ADGRG4: variants seen among roughly 807,000 people sequenced by gnomAD.
ADGRG4 encodes G protein-coupled receptor 112.
A neutral mutation model predicts 126.2 loss-of-function variants in ADGRG4; 122 were observed. The observed-to-expected ratio is 0.97, with a 90% CI of 0.83 to 1.12. The LOEUF is 1.12. Among genes scored for constraint, ADGRG4 ranks in the 50% most tolerant of loss-of-function variants. The probability of loss-of-function intolerance (pLI) is 0.00; values close to 1 mark genes in which losing one functional copy is unlikely to be tolerated. For missense variants in ADGRG4, 2,481 were observed against 2,251.8 expected (o/e 1.10, Z -2.06); for synonymous variants, 943 against 838.7 (o/e 1.12, Z -2.15).
intron 15 of ADGRG4, among the ~76,000 whole-genome samples, chrX:136,383,455 C>A (rs1039929340): frequency 9.0e-6 from 1 of 111,645 alleles, no homozygotes; most frequent in African/African-American, 3.3e-5. Context: ...ATATAAAAAA[C>A]CAAGTCATCC....
Position 136,347,503 on chromosome X carries a change from G to A in ADGRG4, c.3797G>A (p.Gly1266Glu), listed in dbSNP as rs748033473. 8.3e-7 allele frequency: 1 copy of A among 1,209,663 alleles called. No individual in the cohort carries two copies. The highest frequency in any genetic ancestry group is 1.8e-5 in the South Asian group (1 of 56,656). ...AAAGACCAGATGACCATATCCCTGGGAAAAACCCCTAGAACTATGGAGGTG... is the reference window on the plus strand; with the variant it reads ...AAAGACCAGATGACCATATCCCTGGAAAAAACCCCTAGAACTATGGAGGTG... ...SDKDQMTISL[G>E]KTPRTMEVTE... is the part of the protein sequence containing the mutation. The change falls in exon 6 of 26, where the codon GGA (glycine) becomes GAA (glutamate). Residue 1266 changes from glycine to glutamate, a missense_variant. Transcript: ENST00000394143.
chrX:136,364,467 CT>C (rs2075146947), intron 13 of ADGRG4, among the ~76,000 whole-genome samples: 1 of 111,765 alleles, frequency 8.9e-6, no homozygotes, highest in Non-Finnish European at 1.9e-5. Flanking sequence ...TTTTCTCTTT[CT>C]TTTTTCCCCT....
intron 5 of ADGRG4, among the ~76,000 whole-genome samples, chrX:136,334,753 T>A (rs1349533390): frequency 8.9e-6 from 1 of 112,532 alleles, no homozygotes; most frequent in African/African-American, 3.2e-5. Context: ...GACATAGAAA[T>A]GTGATTGCTT....
At chrX:136,357,057 T>A (rs1176015983) in intron 9 of ADGRG4, among the ~76,000 whole-genome samples, 1 of 112,230 alleles carries the variant, frequency 8.9e-6, no homozygotes, top group Non-Finnish European at 1.9e-5. Flanking sequence ...TTATCCACTA[T>A]CATTAAAAAT....
At chrX:136,411,656 G>A (rs2075447011) in intron 23 of ADGRG4, among the ~76,000 whole-genome samples, 1 of 112,637 alleles carries the variant, frequency 8.9e-6, no homozygotes, top group Admixed American at 9.3e-5. Flanking sequence ...AGCTTAGCTG[G>A]GTGTTTCTGA....
intron 5 of ADGRG4, among the ~76,000 whole-genome samples, chrX:136,343,223 G>C (rs1042718135): frequency 1.8e-5 from 2 of 110,581 alleles, no homozygotes; most frequent in African/African-American, 6.6e-5. Context: ...GTTGGAGCTT[G>C]CATAATTTAA....
At chrX:136,310,910 G>C (rs1162235022) in intron 4 of ADGRG4, among the ~76,000 whole-genome samples, 2 of 111,573 alleles carry the variant, frequency 1.8e-5, no homozygotes, top group Non-Finnish European at 3.8e-5. Flanking sequence ...CTCTGTCTTA[G>C]TCTGCTCAGG....
intron 5 of ADGRG4, among the ~76,000 whole-genome samples, chrX:136,331,861 G>A (rs1354484514): frequency 9.9e-6 from 1 of 101,485 alleles, no homozygotes; most frequent in Non-Finnish European, 2.0e-5. Flanking sequence ...CTGTCACCCA[G>A]GCTGGAATGC....
intron 4 of ADGRG4, among the ~76,000 whole-genome samples, chrX:136,319,703 CT>C (rs1211342067): frequency 5.8e-5 from 5 of 85,570 alleles, no homozygotes; most frequent in Non-Finnish European, 9.6e-5. Context: ...GTGATTCTAT[CT>C]ATCTATCTAT....
chrX:136,416,637 A>C lies in ADGRG4; in HGVS notation c.*146A>C. ...TAATGTACTCATGTAACCAAATGCT[A>C]CCTGTTCCACCAAAACCTATGGAAA... On this transcript the variant is annotated 3_prime_UTR_variant, in exon 26 of 26. Transcript: ENST00000394143. The C allele has an allele frequency of 2.8e-6, 1 of 357,409 alleles. No homozygotes were observed. The highest frequency in any genetic ancestry group is 4.8e-6 in the Non-Finnish European group (1 of 206,408). 29.5% of individuals were successfully genotyped at this position (357,409 alleles called of 1,213,427 possible).
In ADGRG4 at chrX:136,322,874, C is replaced by T. The variant is rs1302053744; in HGVS notation, c.167C>T (p.Thr56Ile). The T allele has an allele frequency of 1.7e-6, 2 of 1,211,441 alleles. No individual in the cohort carries two copies. The highest frequency in any genetic ancestry group is 1.8e-5 in the South Asian group (1 of 56,968). The change falls in exon 5 of 26, where the codon ACA becomes ATA. Residue 56 changes from threonine to isoleucine, a missense_variant. Thr to Ile is a moderately conservative substitution (Grantham distance 89, BLOSUM62 -1). Transcript: ENST00000394143. ...ACCATTCCTGAACTCAGCCGATTCACAGCATGCATTGATCTGGTATTCATG... is the reference window on the plus strand; with the variant it reads ...ACCATTCCTGAACTCAGCCGATTCATAGCATGCATTGATCTGGTATTCATG... ...IDTIPELSRFTACIDLVFMDD... is the reference protein window; with the variant it reads ...IDTIPELSRFIACIDLVFMDD...
chrX:136,371,744 A>C (rs1171417670), intron 14 of ADGRG4, among the ~76,000 whole-genome samples, 200 bp downstream of exon 14: 1 of 111,650 alleles, frequency 9.0e-6, no homozygotes, highest in East Asian at 2.8e-4. Flanking sequence ...ACAAGGATTT[A>C]CATAGCATTT....
chrX:136,331,874 T>C (rs2148456627), intron 5 of ADGRG4, among the ~76,000 whole-genome samples: 1 of 106,466 alleles, frequency 9.4e-6, no homozygotes, highest in African/African-American at 3.4e-5. Flanking sequence ...TGGAATGCAG[T>C]GGTGCGATCT....
Position 136,346,444 on chromosome X carries a change from C to A in ADGRG4, c.2738C>A (p.Thr913Lys). 8.3e-7 allele frequency: 1 copy of A among 1,211,256 alleles called. No homozygotes were observed. Among genetic ancestry groups the A allele is most frequent in the Non-Finnish European group, 1.1e-6 (1 of 895,127 alleles). The stretch of plus-strand genomic sequence containing the variant: ...GAGGTGAGAGAAAGTTGGCTTTTGA[C>A]AAAATTGGTGAAAACCACACCTAGG... ...TTEVRESWLL[T>K]KLVKTTPRSS... The change falls in exon 6 of 26, where the codon ACA (threonine) becomes AAA (lysine). Residue 913 changes from threonine (T) to lysine (K), a missense_variant. Thr to Lys is a moderately conservative substitution (Grantham distance 78). Transcript: ENST00000394143.
rs2075192882 is a variant in ADGRG4 at position 136,371,399 on chromosome X, A to T, written c.7468A>T (p.Thr2490Ser). The change falls in exon 14 of 26, where the codon ACA becomes TCA. Residue 2490 changes from threonine (T) to serine (S), a missense_variant. Thr to Ser is a moderately conservative substitution (Grantham distance 58). Coordinates refer to ENST00000394143, the MANE Select transcript of ADGRG4 (RefSeq NM_153834.4). ...ATCCCCAGCCCTGGGTAAAGAAGAG[A>T]CAAAGATTATTGTTTCTAAAATATC... ...NESPALGKEE[T>S]KIIVSKISDI... 1 of 1,197,612 alleles carries T rather than the reference A, an allele frequency of 8.3e-7. No individual in the cohort carries two copies. Among genetic ancestry groups the T allele is most frequent in the Non-Finnish European group, 1.1e-6 (1 of 884,709 alleles).
rs186074567 is a variant in ADGRG4 at position 136,341,917 on chromosome X, T to A, written c.686-2475T>A. ...ACCACAATTATTCCTACATCATAGG[T>A]AATATGCTTCTCAGATGGATAAATT... is the stretch of plus-strand genomic sequence containing the variant. On this transcript the variant is annotated intron_variant, in intron 5 of 25. Transcript: ENST00000394143. 1.4e-4 allele frequency among the ~76,000 whole-genome samples: 16 copies of A among 112,051 alleles called. No homozygotes were observed. The East Asian group carries it at 4.5e-3, about 32-fold the overall frequency.
chrX:136,378,864 G>A (rs1018767788), intron 15 of ADGRG4, among the ~76,000 whole-genome samples: 1 of 111,736 alleles, frequency 8.9e-6, no homozygotes, highest in African/African-American at 3.2e-5. Flanking sequence ...GCATCATCAT[G>A]TTTATGTATT....
chrX:136,308,440 G>A (rs1242560713), intron 3 of ADGRG4, among the ~76,000 whole-genome samples: 1 of 112,144 alleles, frequency 8.9e-6, no homozygotes, highest in Non-Finnish European at 1.9e-5. Flanking sequence ...TTTAATGTCT[G>A]TCCTCCCCAC....
rs768837824 is a variant in ADGRG4, at chrX:136,357,926, T to C, written c.6980+170T>C. Among the ~76,000 whole-genome samples the C allele has an allele frequency of 2.7e-5, 3 of 112,645 alleles. No homozygotes were observed. In the Admixed American group the frequency reaches 2.8e-4, roughly 11 times the overall value. On this transcript the variant is annotated intron_variant, in intron 10 of 25. Transcript: ENST00000394143. ...TAGGTCCTTGCCTTCATGAAATATG[T>C]TGTTTCGGTTGGTCATGGCACAGGC... is the stretch of plus-strand genomic sequence containing the variant.
Sources: gnomAD v4.1 joint callset for allele counts (sites outside exome capture counted in the v4.1 genomes callset) on GRCh38, gnomAD v4.1.1 for gene constraint, MANE v1.5 for transcripts, NCBI Gene and HGNC (gene_info 2026-07-23, HGNC 2026-07-21) for gene names.